KCNQ5: variants seen among roughly 807,000 people sequenced by gnomAD.
KCNQ5 encodes the protein potassium voltage-gated channel subfamily KQT member 5.
KCNQ5 carries 30 observed loss-of-function variants against 98.2 expected under a neutral mutation model. The observed-to-expected ratio is 0.31, with a 90% CI of 0.23 to 0.41. The LOEUF is 0.41. Among genes scored for constraint, KCNQ5 ranks in the 10% least tolerant of loss-of-function variants. KCNQ5 has a pLI of 1.00. For synonymous variants in KCNQ5, 458 were observed against 449.4 expected (o/e 1.02, Z -0.24); for missense variants, 835 against 1,182.5 (o/e 0.71, Z 4.31).
chr6:73,013,811 T>C (rs1487310453), intron 2 of KCNQ5, among the ~76,000 whole-genome samples: 1 of 152,142 alleles, frequency 6.6e-6, no homozygotes, highest in East Asian at 1.9e-4. Flanking sequence ...CTAAGGCTTC[T>C]TTTTGTTCCA....
intron 7 of KCNQ5, among the ~76,000 whole-genome samples, chr6:73,118,704 T>C (rs1775612709): frequency 6.6e-6 from 1 of 152,212 alleles, no homozygotes; most frequent in Admixed American, 6.5e-5. Context: ...TGATGTGTTA[T>C]GTACTAGGGA....
chr6:73,063,686 T>TGATAGATAGATAGATAGATA (rs1554203586), intron 3 of KCNQ5, among the ~76,000 whole-genome samples: 4 of 93,244 alleles, frequency 4.3e-5, no homozygotes, highest in African/African-American at 1.2e-4. Flanking sequence ...GATAGATAGA[T>TGATAGATAGATAGATAGATA]GATAGATAGA....
At chr6:73,110,172 A>G (rs1046406379) in intron 6 of KCNQ5, among the ~76,000 whole-genome samples, 1 of 152,232 alleles carries the variant, frequency 6.6e-6, no homozygotes, top group African/African-American at 2.4e-5. Flanking sequence ...CTTAGTGCTT[A>G]TAAAATGTCC....
At chr6:73,156,506 T>C (rs1777366952) in intron 10 of KCNQ5, among the ~76,000 whole-genome samples, 1 of 151,994 alleles carries the variant, frequency 6.6e-6, no homozygotes, top group East Asian at 1.9e-4. Flanking sequence ...GCACCTGTAG[T>C]CCCAGCTACT....
At chr6:72,825,111 G>T (rs553597632) in intron 1 of KCNQ5, among the ~76,000 whole-genome samples, 127 of 151,748 alleles carry the variant, frequency 8.4e-4, no homozygotes, top group Admixed American at 8.5e-4. Context: ...TGCTCTAGAA[G>T]AAGGCTAGGG....
intron 10 of KCNQ5, 76 bp downstream of exon 10, chr6:73,133,717 C>A: frequency 8.2e-7 from 1 of 1,224,790 alleles, no homozygotes; most frequent in Non-Finnish European, 1.2e-6. Flanking sequence ...ATTAATTCTC[C>A]ATAGTGCCAC....
At chr6:72,721,719 C>T (rs2154475388) in intron 1 of KCNQ5, among the ~76,000 whole-genome samples, 1 of 152,238 alleles carries the variant, frequency 6.6e-6, no homozygotes, top group East Asian at 1.9e-4. Flanking sequence ...AGATGAATTG[C>T]CAGTGAAACT....
At chr6:73,065,133 C>A (rs1772991289) in intron 3 of KCNQ5, among the ~76,000 whole-genome samples, 1 of 152,020 alleles carries the variant, frequency 6.6e-6, no homozygotes, top group Admixed American at 6.6e-5. Flanking sequence ...CTACCAAATG[C>A]CTACTAGCCA....
intron 1 of KCNQ5, among the ~76,000 whole-genome samples, chr6:72,644,117 G>C (rs1765467849): frequency 6.6e-6 from 1 of 152,088 alleles, no homozygotes; most frequent in Non-Finnish European, 1.5e-5. Context: ...TTCTCATTCT[G>C]TTCCATAAGG....
chr6:72,829,457 C>G (rs771625419), intron 1 of KCNQ5, among the ~76,000 whole-genome samples: 1 of 151,904 alleles, frequency 6.6e-6, no homozygotes, highest in African/African-American at 2.4e-5. Flanking sequence ...TCTTCTCTCT[C>G]TCTCCTGCTT....
intron 5 of KCNQ5, among the ~76,000 whole-genome samples, chr6:73,081,126 A>G (rs1429644648): frequency 6.6e-6 from 1 of 152,196 alleles, no homozygotes; most frequent in East Asian, 1.9e-4. Flanking sequence ...AAAAAGAGCT[A>G]TGTGTTTTGA....
At chr6:73,029,526 A>G (rs1242966399) in intron 2 of KCNQ5, among the ~76,000 whole-genome samples, 2 of 151,296 alleles carry the variant, frequency 1.3e-5, no homozygotes, top group Non-Finnish European at 1.5e-5. Context: ...GTATAGAAAC[A>G]TATTGATTCT....
chr6:72,637,252 G>C (rs545043060), intron 1 of KCNQ5, among the ~76,000 whole-genome samples: 1 of 96,126 alleles, frequency 1.0e-5, no homozygotes, highest in East Asian at 2.6e-4. Flanking sequence ...ACCAAAAGTT[G>C]TGTTTTTTTT....
intron 1 of KCNQ5, among the ~76,000 whole-genome samples, chr6:72,886,906 G>A (rs1443269988): frequency 6.6e-6 from 1 of 151,926 alleles, no homozygotes; most frequent in Non-Finnish European, 1.5e-5. Flanking sequence ...ACCCTCACAT[G>A]TGTATTTTCC....
intron 1 of KCNQ5, among the ~76,000 whole-genome samples, chr6:72,904,194 C>T (rs548273332): frequency 6.6e-6 from 1 of 152,210 alleles, no homozygotes; most frequent in Admixed American, 6.5e-5. Flanking sequence ...TTTTGGTGTC[C>T]ATTTGCATGA....
chr6:73,050,306 GGA>G (rs1346915175), intron 3 of KCNQ5, among the ~76,000 whole-genome samples: 14 of 131,662 alleles, frequency 1.1e-4, no homozygotes, highest in African/African-American at 3.3e-4. Context: ...AAGGAAGGAA[GGA>G]AGGGAGGGAA....
At chr6:73,002,874 T>C (rs1374961759) in intron 1 of KCNQ5, among the ~76,000 whole-genome samples, 1 of 152,182 alleles carries the variant, frequency 6.6e-6, no homozygotes, top group Non-Finnish European at 1.5e-5. Flanking sequence ...ACCCTGGCCT[T>C]TGGGAACTTC....
At chr6:72,638,469 C>T (rs946995953) in intron 1 of KCNQ5, among the ~76,000 whole-genome samples, 9 of 152,024 alleles carry the variant, frequency 5.9e-5, no homozygotes, top group African/African-American at 9.7e-5. Flanking sequence ...TTATAGATGG[C>T]GCTAAGTGAG....
chr6:72,842,465 A>C (rs1328560415), intron 1 of KCNQ5, among the ~76,000 whole-genome samples: 1 of 152,224 alleles, frequency 6.6e-6, no homozygotes, highest in Non-Finnish European at 1.5e-5. Context: ...ATTTTTCAGA[A>C]GAAGAACCTG....
Sources: allele counts gnomAD v4.1 joint callset (sites outside exome capture counted in the v4.1 genomes callset), GRCh38; gene constraint gnomAD v4.1.1; transcripts MANE v1.5; gene names NCBI Gene and HGNC (gene_info 2026-07-23, HGNC 2026-07-21).